Variants in OTOA observed in about 807,000 individuals in gnomAD.
OTOA encodes the protein cancer/testis antigen 108.
OTOA carries 70 observed loss-of-function variants against 110.8 expected under a neutral mutation model. The observed-to-expected ratio is 0.63, with a 90% CI of 0.52 to 0.77. The LOEUF (loss-of-function observed/expected upper bound fraction) is 0.77, where lower values mean the gene tolerates loss of function less well. OTOA is among the 30% of genes least tolerant of loss of function. The pLI, the probability that OTOA is intolerant of heterozygous loss-of-function variation, is 0.00. For synonymous variants in OTOA, 373 were observed against 431.5 expected, an observed-to-expected ratio of 0.86 and a Z score of 1.68; for missense variants, 917 against 1,075.8, an observed-to-expected ratio of 0.85 and a Z score of 2.06.
chr16:21,684,340 A>G lies in OTOA; in HGVS notation c.268-890A>G, dbSNP rs1024815235. 6.6e-6 allele frequency: 9 copies of G among 1,372,954 alleles called. No homozygotes were observed. The Admixed American group carries it at 8.3e-5, about 13-fold the overall frequency. The allele number at this position is 1,372,954 out of a possible 1,614,324, so 85.0% of individuals were successfully genotyped here. On this transcript the variant is annotated intron_variant, in intron 6 of 28. Coordinates refer to ENST00000646100, the MANE Select transcript of OTOA (RefSeq NM_144672.4). ...CTGTTTAACGGAGATTTAGAGAACA[A>G]TTCCCCAGACAGCAGAGGAAATCTC... is the stretch of plus-strand genomic sequence containing the variant.
At chr16:21,703,209 C>T (rs1190263422) in intron 11 of OTOA, among the ~76,000 whole-genome samples, 6 of 152,066 alleles carry the variant, frequency 3.9e-5, no homozygotes, top group African/African-American at 1.4e-4. Context: ...ATCTCCAGAA[C>T]CTATTTTCCT....
chr16:21,758,840 A>G (rs550324566), intron 28 of OTOA, among the ~76,000 whole-genome samples: 3 of 151,806 alleles, frequency 2.0e-5, no homozygotes, highest in Admixed American at 2.0e-4. Context: ...CGTCTCTACT[A>G]AAAATACAAA....
At chr16:21,703,557 C>G (rs1393098467) in intron 11 of OTOA, among the ~76,000 whole-genome samples, 1 of 152,116 alleles carries the variant, frequency 6.6e-6, no homozygotes, top group Non-Finnish European at 1.5e-5. Flanking sequence ...GATTCCATGT[C>G]TTGGCTGTTG....
chr16:21,667,046 A>G (rs1966841461), intron 1 of OTOA, among the ~76,000 whole-genome samples: 1 of 152,156 alleles, frequency 6.6e-6, no homozygotes, highest in Admixed American at 6.5e-5. Context: ...GAAGGGAGAA[A>G]AAAGGGTCAA....
intron 11 of OTOA, 32 bp from the exon 12 acceptor site, chr16:21,705,137 C>A: frequency 1.2e-6 from 2 of 1,614,140 alleles, no homozygotes; most frequent in Non-Finnish European, 8.5e-7. Flanking sequence ...TGCGGTTACA[C>A]CTCCACCACC....
At chr16:21,676,579 G>C (rs550273089) in intron 1 of OTOA, among the ~76,000 whole-genome samples, 1 of 152,276 alleles carries the variant, frequency 6.6e-6, no homozygotes, top group African/African-American at 2.4e-5. Flanking sequence ...GAGGTCCAAG[G>C]ATTGTTCTGC....
intron 14 of OTOA, among the ~76,000 whole-genome samples, chr16:21,715,916 T>A (rs1351347895): frequency 6.6e-6 from 1 of 152,098 alleles, no homozygotes; most frequent in Non-Finnish European, 1.5e-5. Context: ...TCTGTTTTTT[T>A]GTTTGTTTGT....
In OTOA at chr16:21,678,553, C is replaced by T. The variant is rs1966867501; in HGVS notation, c.39C>T (p.Phe13=). 1 of 1,613,708 alleles carries T rather than the reference C, an allele frequency of 6.2e-7. No homozygotes were observed. The part of the protein sequence containing the change: ...QEPTTYSLFL[F]LFLSHGVSSY... Reference sequence around the variant, plus strand: ...CTACGACATACTCCCTTTTCCTATTCCTTTTTCTGAGCCATGGAGTGTCGA... The same window carrying T: ...CTACGACATACTCCCTTTTCCTATTTCTTTTTCTGAGCCATGGAGTGTCGA... Residue 13 remains phenylalanine (F), a synonymous_variant, in exon 2 of 29, where the codon TTC becomes TTT. Coordinates refer to ENST00000646100, the MANE Select transcript of OTOA (RefSeq NM_144672.4).
chr16:21,716,578 G>GA (rs1038769563), intron 14 of OTOA, among the ~76,000 whole-genome samples: 31 of 151,886 alleles, frequency 2.0e-4, no homozygotes, highest in African/African-American at 6.8e-4. Flanking sequence ...CTCAAAAAAA[G>GA]AAAAAAACCC....
chr16:21,707,447 C>T (rs1054309186), intron 12 of OTOA, among the ~76,000 whole-genome samples: 12 of 151,964 alleles, frequency 7.9e-5, no homozygotes, highest in African/African-American at 2.7e-4. Context: ...CATCAGGGAC[C>T]GGTTTTGTGG....
Position 21,715,116 on chromosome 16 carries a change from C to A in OTOA, c.1452C>A (p.Asp484Glu). 1 of 1,614,218 alleles carries A rather than the reference C, an allele frequency of 6.2e-7. No individual in the cohort carries two copies. The highest frequency in any genetic ancestry group is 8.5e-7 in the Non-Finnish European group (1 of 1,180,022). ...LRSAVSQYVS[D>E]LSPAQQQGIL... is the part of the protein sequence containing the mutation. ...GTGCCGTCTCCCAGTATGTATCCGA[C>A]TTGTCACCTGCCCAGCAGCAAGGTA... is the stretch of plus-strand genomic sequence containing the variant. Residue 484 changes from aspartate (D) to glutamate (E), a missense_variant, in exon 14 of 29, where the codon GAC (aspartate) becomes GAA (glutamate). Coordinates refer to ENST00000646100, the MANE Select transcript of OTOA (RefSeq NM_144672.4).
intron 13 of OTOA, among the ~76,000 whole-genome samples, chr16:21,714,377 T>C (rs190572513): frequency 0.015 from 1,426 of 96,480 alleles, 13 homozygotes; most frequent in Middle Eastern, 0.027. Flanking sequence ...TTCTCTCTCT[T>C]TCTCTCTTTC....
intron 8 of OTOA, among the ~76,000 whole-genome samples, chr16:21,691,084 T>C (rs549392812): frequency 2.0e-5 from 3 of 151,742 alleles, no homozygotes; most frequent in African/African-American, 7.2e-5. Flanking sequence ...TCTGTCCTTG[T>C]GATAGTTTGC....
rs1044853615 is a variant in OTOA at position 21,664,752 on chromosome 16, A to G, written c.-5+520A>G. Among the ~76,000 whole-genome samples the G allele has an allele frequency of 1.2e-4, 19 of 152,060 alleles. No individual in the cohort carries two copies. The South Asian group carries it at 2.7e-3, about 22-fold the overall frequency. ...TTTGGGAGGCTGAGGCAGGAGAATC[A>G]CTTGAGGCCAGGAGTTCGAGACCAG... On this transcript the variant is annotated intron_variant, in intron 1 of 28. Coordinates refer to ENST00000646100, the MANE Select transcript of OTOA (RefSeq NM_144672.4).
intron 17 of OTOA, among the ~76,000 whole-genome samples, chr16:21,721,821 G>A (rs1205572953): frequency 6.6e-6 from 1 of 152,080 alleles, no homozygotes; most frequent in African/African-American, 2.4e-5. Context: ...GAACCTGGGA[G>A]TTCAAGGTGG....
chr16:21,759,576 T>C (rs927058354), intron 28 of OTOA, among the ~76,000 whole-genome samples: 1 of 152,034 alleles, frequency 6.6e-6, no homozygotes, highest in Non-Finnish European at 1.5e-5. Flanking sequence ...CAAAGTGAGA[T>C]TGCTAGATCA....
intron 13 of OTOA, among the ~76,000 whole-genome samples, chr16:21,714,282 C>T (rs8055553): frequency 2.5e-4 from 22 of 89,406 alleles, no homozygotes; most frequent in Admixed American, 2.2e-3. Flanking sequence ...TTTCCTCCTT[C>T]CTTTCTTTCT....
chr16:21,714,494 CTCTCTCTTTCTTTCTT>C (rs1290504592), intron 13 of OTOA, among the ~76,000 whole-genome samples: 4 of 140,196 alleles, frequency 2.9e-5, no homozygotes, highest in Non-Finnish European at 6.2e-5. Context: ...CCCTCTCTCT[CTCTCTCTTTCTTTCTT>C]TCTTTCTTTC....
At chr16:21,684,758 TATTA>T (rs1567366224) in intron 6 of OTOA, among the ~76,000 whole-genome samples, 3 of 71,194 alleles carry the variant, frequency 4.2e-5, no homozygotes, top group African/African-American at 1.2e-4. Context: ...TTATTATTAT[TATTA>T]TTATTTTTTA....
Sources: allele counts gnomAD v4.1 joint callset (sites outside exome capture counted in the v4.1 genomes callset), GRCh38; gene constraint gnomAD v4.1.1; transcripts MANE v1.5; gene names NCBI Gene and HGNC (gene_info 2026-07-23, HGNC 2026-07-21).